ELMO1: variants seen among roughly 807,000 people sequenced by gnomAD.
ELMO1 encodes the protein engulfment and cell motility protein 1.
A neutral mutation model predicts 98.9 loss-of-function variants in ELMO1; 26 were observed. The ratio of observed to expected loss-of-function variants is 0.26; its 90% CI spans 0.19 to 0.36. The LOEUF is 0.36. ELMO1 is among the 10% of genes least tolerant of loss of function. The pLI, the probability that ELMO1 is intolerant of heterozygous loss-of-function variation, is 1.00. For synonymous variants in ELMO1, 346 were observed against 346.0 expected, an observed-to-expected ratio of 1.00 and a Z score of 0.00; for missense variants, 627 against 935.2, an observed-to-expected ratio of 0.67 and a Z score of 4.30.
At chr7:37,068,987 T>A (rs1384909170) in intron 15 of ELMO1, among the ~76,000 whole-genome samples, 2 of 152,228 alleles carry the variant, frequency 1.3e-5, no homozygotes. Context: ...AATGACCTCA[T>A]TTTGAAATGA....
intron 13 of ELMO1, among the ~76,000 whole-genome samples, chr7:37,208,886 A>G (rs1792799703): frequency 6.6e-6 from 1 of 152,188 alleles, no homozygotes; most frequent in African/African-American, 2.4e-5. Flanking sequence ...ACCATGGAAA[A>G]ATAAAGAAAA....
At chr7:37,221,396 T>C (rs773901971) in intron 10 of ELMO1, among the ~76,000 whole-genome samples, 5 of 152,216 alleles carry the variant, frequency 3.3e-5, no homozygotes, top group Admixed American at 6.5e-5. Context: ...ACGAACTCAC[T>C]GGCAACTGCC....
At chr7:37,398,930 G>A (rs576446179) in intron 1 of ELMO1, among the ~76,000 whole-genome samples, 2 of 152,272 alleles carry the variant, frequency 1.3e-5, no homozygotes, top group African/African-American at 2.4e-5. Flanking sequence ...AGCTTAGTGC[G>A]GCATGGAGCA....
intron 15 of ELMO1, among the ~76,000 whole-genome samples, chr7:37,069,013 A>C (rs1024569916): frequency 6.6e-6 from 1 of 152,224 alleles, no homozygotes; most frequent in Non-Finnish European, 1.5e-5. Context: ...ACATGTCTCC[A>C]AATGCCTCAT....
intron 1 of ELMO1, among the ~76,000 whole-genome samples, chr7:37,436,249 C>CACA (rs1399258490): frequency 6.6e-6 from 1 of 152,192 alleles, no homozygotes; most frequent in African/African-American, 2.4e-5. Flanking sequence ...TTTCAAGGTA[C>CACA]ACACCAATCC....
chr7:37,240,538 T>A (rs1283164366), intron 7 of ELMO1, among the ~76,000 whole-genome samples: 7 of 152,180 alleles, frequency 4.6e-5, no homozygotes. Context: ...TAATTCACAT[T>A]TTTTAAAGCT....
chr7:37,323,242 T>C (rs546133400), intron 2 of ELMO1, among the ~76,000 whole-genome samples: 10 of 152,378 alleles, frequency 6.6e-5, no homozygotes, highest in African/African-American at 1.7e-4. Flanking sequence ...TGTCAATAGC[T>C]ACATTCAAGG....
intron 16 of ELMO1, among the ~76,000 whole-genome samples, chr7:36,991,889 C>T (rs1791903079): frequency 1.3e-5 from 2 of 152,262 alleles, no homozygotes; most frequent in South Asian, 4.2e-4. Context: ...AACATGTCTC[C>T]AGTTGCCATC....
chr7:37,333,876 G>A (rs1800257071), intron 2 of ELMO1, among the ~76,000 whole-genome samples: 1 of 152,146 alleles, frequency 6.6e-6, no homozygotes, highest in Non-Finnish European at 1.5e-5. Context: ...AACTATGTTT[G>A]TACTCTCTGT....
At chr7:37,232,055 G>A (rs1356915866) in intron 8 of ELMO1, among the ~76,000 whole-genome samples, 1 of 152,136 alleles carries the variant, frequency 6.6e-6, no homozygotes, top group Non-Finnish European at 1.5e-5. Context: ...GTTTCACCAT[G>A]TTGGTCAAGC....
At chr7:36,889,772 A>G (rs1412342866) in intron 17 of ELMO1, among the ~76,000 whole-genome samples, 1 of 152,208 alleles carries the variant, frequency 6.6e-6, no homozygotes, top group East Asian at 1.9e-4. Context: ...CTGAGGATGC[A>G]CTATCAGAAT....
intron 15 of ELMO1, among the ~76,000 whole-genome samples, chr7:37,061,984 T>C (rs1796691230): frequency 1.3e-5 from 2 of 152,198 alleles, no homozygotes; most frequent in South Asian, 4.1e-4. Flanking sequence ...GGCTGGGTTA[T>C]ATTTCATCCT....
At chr7:36,961,879 G>C (rs919807679) in intron 16 of ELMO1, among the ~76,000 whole-genome samples, 1 of 152,148 alleles carries the variant, frequency 6.6e-6, no homozygotes, top group Non-Finnish European at 1.5e-5. Flanking sequence ...TATTGTCCCA[G>C]AGCAAATCTT....
At chr7:37,235,554 T>C (rs574451063) in intron 7 of ELMO1, among the ~76,000 whole-genome samples, 79 of 152,298 alleles carry the variant, frequency 5.2e-4, no homozygotes, top group Non-Finnish European at 1.0e-3. Context: ...ACAGCATCTG[T>C]ACAAGGCAAA....
intron 1 of ELMO1, among the ~76,000 whole-genome samples, chr7:37,374,829 G>C (rs1001702088): frequency 6.6e-6 from 1 of 152,142 alleles, no homozygotes; most frequent in African/African-American, 2.4e-5. Context: ...TTGGGAGGCT[G>C]AGGTGGGTGG....
chr7:37,210,520 T>A (rs1792897570), intron 13 of ELMO1, among the ~76,000 whole-genome samples: 1 of 151,118 alleles, frequency 6.6e-6, no homozygotes, highest in African/African-American at 2.4e-5. Context: ...TATATATATT[T>A]GGGTGTGTCT....
At chr7:37,097,213 A>C (rs1784406521) in intron 14 of ELMO1, among the ~76,000 whole-genome samples, 1 of 152,188 alleles carries the variant, frequency 6.6e-6, no homozygotes, top group Non-Finnish European at 1.5e-5. Context: ...TGATGGACCA[A>C]TCACAGTCCT....
rs367616953 is a variant in ELMO1, at chr7:36,923,346, A to G, written c.1438-28329T>C. Among the ~76,000 whole-genome samples, 68 of 152,366 alleles carry G rather than the reference A, an allele frequency of 4.5e-4. 1 individual carries two copies. Among genetic ancestry groups the G allele is most frequent in the Middle Eastern group, 3.4e-3 (1 of 294 alleles). On this transcript the variant is annotated intron_variant, in intron 16 of 21. Transcript: ENST00000310758. ...GCCAAACAGTGTGTGTCAATGTTAT[A>G]TCTCAGGTAGGAGAGTAAAGGTCAA...
At chr7:36,856,377 T>C (rs979902191) in intron 21 of ELMO1, among the ~76,000 whole-genome samples, 1 of 152,172 alleles carries the variant, frequency 6.6e-6, no homozygotes, top group East Asian at 1.9e-4. Context: ...GTTAAAATTA[T>C]TGGGCAATCT....
Sources: gnomAD v4.1 joint callset for allele counts (sites outside exome capture counted in the v4.1 genomes callset) on GRCh38, gnomAD v4.1.1 for gene constraint, MANE v1.5 for transcripts, NCBI Gene and HGNC (gene_info 2026-07-23, HGNC 2026-07-21) for gene names.